SCN3A: variants seen among roughly 807,000 people sequenced by gnomAD.
SCN3A encodes sodium voltage-gated channel alpha subunit 3.
A neutral mutation model predicts 187.6 loss-of-function variants in SCN3A; 60 were observed. That is an observed-to-expected ratio of 0.32 (90% CI 0.26 to 0.40). The LOEUF is 0.40. SCN3A is among the 10% of genes least tolerant of loss of function. The pLI, the probability that SCN3A is intolerant of heterozygous loss-of-function variation, is 1.00. For synonymous variants in SCN3A, 788 were observed against 829.2 expected (o/e 0.95, Z 0.85); for missense variants, 1,601 against 2,428.2 (o/e 0.66, Z 7.16).
intron 2 of SCN3A, chr2:165,179,643 T>C (rs1167262264): frequency 6.6e-6 from 1 of 152,224 alleles, no homozygotes. Context: ...CATACTGTTG[T>C]CTCTAAGTCC....
chr2:165,098,871 C>T (rs987106735), intron 22 of SCN3A, among the ~76,000 whole-genome samples: 1 of 152,022 alleles, frequency 6.6e-6, no homozygotes, highest in African/African-American at 2.4e-5. Context: ...TTGCTATCTC[C>T]CCTCATAAAT....
intron 12 of SCN3A, among the ~76,000 whole-genome samples, chr2:165,145,975 C>CTA (rs1225404997): frequency 2.6e-5 from 4 of 152,122 alleles, no homozygotes; most frequent in Non-Finnish European, 5.9e-5. Flanking sequence ...ATAAAACTTA[C>CTA]TAAACATCAA....
At chr2:165,194,842 A>AT in intron 1 of SCN3A, 1 of 152,016 alleles carries the variant, frequency 6.6e-6, no homozygotes, top group East Asian at 1.9e-4. Context: ...GAAAAAAAAA[A>AT]GTCTTTCCTG....
chr2:165,160,656 G>T (rs1037022776), intron 9 of SCN3A, among the ~76,000 whole-genome samples: 9 of 150,694 alleles, frequency 6.0e-5, no homozygotes, highest in Admixed American at 2.6e-4. Context: ...AAAATTTTTT[G>T]GGGGGACAGG....
chr2:165,155,996 C>T (rs1054161830), intron 9 of SCN3A, 93 bp from the exon 10 acceptor site: 2 of 1,443,794 alleles, frequency 1.4e-6, no homozygotes, highest in South Asian at 1.2e-5. Context: ...CCCAAAGCTG[C>T]TATCTGTGAC....
chr2:165,146,382 ATGTGTGTGTGTGTGTG>A (rs5836018), intron 12 of SCN3A, among the ~76,000 whole-genome samples: 15 of 107,850 alleles, frequency 1.4e-4, no homozygotes, highest in Non-Finnish European at 1.6e-4. Flanking sequence ...ATATATATAT[ATGTGTGTGTGTGTGTG>A]TGTGTGTGTG....
At chr2:165,169,901 C>T (rs11890144) in intron 4 of SCN3A, among the ~76,000 whole-genome samples, 34,032 of 150,934 alleles carry the variant, frequency 0.23, 5,028 homozygotes, top group East Asian at 0.52. Context: ...TACATGAGCA[C>T]ATAGTAAGAG....
At chr2:165,118,902 A>G (rs1301251094) in intron 18 of SCN3A, among the ~76,000 whole-genome samples, 1 of 152,132 alleles carries the variant, frequency 6.6e-6, no homozygotes, top group African/African-American at 2.4e-5. Context: ...AGCTGGGACT[A>G]CAGGCGCCCG....
At chr2:165,098,957 G>T (rs1039181013) in intron 22 of SCN3A, among the ~76,000 whole-genome samples, 1 of 152,136 alleles carries the variant, frequency 6.6e-6, no homozygotes, top group Non-Finnish European at 1.5e-5. Flanking sequence ...GGTTTGAAAA[G>T]AACTTGAAAT....
At chr2:165,094,923 C>T (rs1206614267) in intron 25 of SCN3A, among the ~76,000 whole-genome samples, 1 of 152,064 alleles carries the variant, frequency 6.6e-6, no homozygotes, top group Non-Finnish European at 1.5e-5. Flanking sequence ...CGTAGGTGGA[C>T]AGTGTATGTT....
At chr2:165,154,726 CA>C in intron 10 of SCN3A, 68 bp from the exon 11 acceptor site, 1 of 1,426,188 alleles carries the variant, frequency 7.0e-7, no homozygotes, top group Non-Finnish European at 9.9e-7. Context: ...ATCTGATTAC[CA>C]CAGTTAGATA....
chr2:165,156,807 C>T (rs1487586011), intron 9 of SCN3A, among the ~76,000 whole-genome samples: 1 of 152,152 alleles, frequency 6.6e-6, no homozygotes, highest in East Asian at 1.9e-4. Flanking sequence ...CTGCCTTGGC[C>T]TCCTGAAGTA....
At position 165,092,180 on chromosome 2, in the gene SCN3A, T is replaced by C; in HGVS notation, c.4807+74A>G. The C allele has an allele frequency of 1.4e-6, 2 of 1,399,862 alleles. No homozygotes were observed. Among genetic ancestry groups the C allele is most frequent in the South Asian group, 2.3e-5 (2 of 86,382 alleles). The allele number at this position is 1,399,862 out of a possible 1,614,324, so 86.7% of individuals were successfully genotyped here. Reference sequence around the variant, plus strand: ...TTATTATTCTCAGACCTAATTTCCATGTTAATCAGCTAGAAGGTCCTGGGG... The same window carrying C: ...TTATTATTCTCAGACCTAATTTCCACGTTAATCAGCTAGAAGGTCCTGGGG... On this transcript the variant is annotated intron_variant, in intron 27 of 27. Transcript: ENST00000283254. This position sits in a 1 kb window ranked among gnomAD's most constrained non-coding sequence, Gnocchi z 4.2.
intron 9 of SCN3A, among the ~76,000 whole-genome samples, chr2:165,161,133 C>CT (rs1689347056): frequency 1.1e-4 from 9 of 83,688 alleles, no homozygotes; most frequent in South Asian, 4.0e-4. Flanking sequence ...TTTTTTCTTT[C>CT]TTTCTTTTTT....
intron 18 of SCN3A, among the ~76,000 whole-genome samples, chr2:165,120,777 G>C (rs1485838538): frequency 6.6e-6 from 1 of 151,338 alleles, no homozygotes; most frequent in Non-Finnish European, 1.5e-5. Flanking sequence ...TGTCCTAGGC[G>C]GGAAGGAAAA....
intron 21 of SCN3A, among the ~76,000 whole-genome samples, chr2:165,109,987 T>A (rs1278066907): frequency 1.3e-5 from 2 of 151,988 alleles, no homozygotes; most frequent in African/African-American, 2.4e-5. Flanking sequence ...CTTCTTCTCC[T>A]CTCTTCTCCC....
intron 1 of SCN3A, among the ~76,000 whole-genome samples, chr2:165,202,028 T>C (rs925582045): frequency 2.6e-5 from 4 of 152,074 alleles, no homozygotes; most frequent in African/African-American, 9.7e-5. Context: ...TCCCAAGACT[T>C]TCAGCTCAGG....
At chr2:165,139,435 A>G in intron 14 of SCN3A, 41 bp downstream of exon 14, 2 of 1,613,262 alleles carry the variant, frequency 1.2e-6, no homozygotes, top group Non-Finnish European at 1.7e-6. Context: ...CACAAAGCAC[A>G]TAATCACAGA....
chr2:165,132,008 A>G (rs1396457767), intron 15 of SCN3A, among the ~76,000 whole-genome samples: 1 of 151,966 alleles, frequency 6.6e-6, no homozygotes, highest in East Asian at 1.9e-4. Context: ...TCATTGTTGG[A>G]CATTTGGGTT....
Sources: allele counts gnomAD v4.1 joint callset (sites outside exome capture counted in the v4.1 genomes callset), GRCh38; gene constraint gnomAD v4.1.1; non-coding constraint Gnocchi (gnomAD v3.1); transcripts MANE v1.5; gene names NCBI Gene and HGNC (gene_info 2026-07-23, HGNC 2026-07-21).